Variants in GRID2 observed in about 807,000 individuals in gnomAD.
GRID2 encodes glutamate receptor ionotropic, delta-2.
In GRID2, 33 loss-of-function variants were observed where a neutral mutation model predicts 114.8. That is an observed-to-expected ratio of 0.29 (90% CI 0.22 to 0.38). The LOEUF is 0.38. GRID2 is among the 10% of genes least tolerant of loss of function. The pLI, the probability that GRID2 is intolerant of heterozygous loss-of-function variation, is 1.00. For missense variants in GRID2, 1,184 were observed against 1,257.7 expected, an observed-to-expected ratio of 0.94 and a Z score of 0.89; for synonymous variants, 505 against 449.9, an observed-to-expected ratio of 1.12 and a Z score of -1.55.
chr4:93,136,056 C>A (rs1235396093), intron 4 of GRID2, among the ~76,000 whole-genome samples: 1 of 152,004 alleles, frequency 6.6e-6, no homozygotes, highest in South Asian at 2.1e-4. Context: ...CATAATAACC[C>A]CACAGGATAA....
In GRID2 at chr4:93,422,931, G is replaced by A. The variant is rs757006859; in HGVS notation, c.1508G>A (p.Gly503Glu). The change falls in exon 10 of 16, where the codon GGG (glycine) becomes GAG (glutamate). Residue 503 changes from glycine to glutamate, a missense_variant. Physicochemically the swap from Gly to Glu is moderately conservative, Grantham distance 98. Coordinates refer to ENST00000282020, the MANE Select transcript of GRID2 (RefSeq NM_001510.4). The stretch of plus-strand genomic sequence containing the variant: ...AAATACGGAAGCCCACAAGAAGATG[G>A]GACATGGAATGGCTTGGTAGGAGAA... ...DHKYGSPQED[G>E]TWNGLVGELV... The A allele has an allele frequency of 6.2e-7, 1 of 1,613,496 alleles. No individual in the cohort carries two copies.
intron 1 of GRID2, among the ~76,000 whole-genome samples, chr4:92,541,576 C>T (rs1350849290): frequency 6.6e-6 from 1 of 151,788 alleles, no homozygotes; most frequent in African/African-American, 2.4e-5. Flanking sequence ...TACTATTTAT[C>T]AAAATGAGGA....
rs372993222 is a variant in GRID2 at position 93,244,513 on chromosome 4, C to CTATTATA, written c.1245+6028_1245+6029insTATATTA. ...TCTATTAATTAATAGATTATATAAT[C>CTATTATA]TATTAATTAATAGATTATATAATCT... On this transcript the variant is annotated intron_variant, in intron 8 of 15. Coordinates refer to ENST00000282020, the MANE Select transcript of GRID2 (RefSeq NM_001510.4). 9.7e-3 allele frequency among the ~76,000 whole-genome samples: 281 copies of CTATTATA among 28,880 alleles called. 17 individuals carry two copies. The highest frequency in any genetic ancestry group is 0.053 in the Middle Eastern group (2 of 38). 18.9% of individuals were successfully genotyped at this position (28,880 alleles called of 152,430 possible).
intron 8 of GRID2, among the ~76,000 whole-genome samples, chr4:93,376,321 G>C (rs1396694298): frequency 2.0e-5 from 3 of 151,902 alleles, no homozygotes; most frequent in East Asian, 3.9e-4. Flanking sequence ...CAAAATTATT[G>C]ACAAATATTA....
chr4:92,757,607 A>G (rs1040676841), intron 2 of GRID2, among the ~76,000 whole-genome samples: 12 of 152,092 alleles, frequency 7.9e-5, no homozygotes, highest in Non-Finnish European at 1.3e-4. Context: ...AAGTCATGAG[A>G]ACAGATAAGA....
At chr4:93,222,170 G>C (rs1744953675) in intron 6 of GRID2, among the ~76,000 whole-genome samples, 1 of 152,138 alleles carries the variant, frequency 6.6e-6, no homozygotes, top group Non-Finnish European at 1.5e-5. Context: ...GAAGAGAAAA[G>C]ATGTACAGTA....
At chr4:92,576,517 T>G (rs1028349980) in intron 1 of GRID2, among the ~76,000 whole-genome samples, 4 of 152,070 alleles carry the variant, frequency 2.6e-5, no homozygotes, top group African/African-American at 9.7e-5. Flanking sequence ...GCCCCCTTCC[T>G]AGGGACATCT....
chr4:92,895,397 A>ATATATATATATATG lies in GRID2; in HGVS notation c.245-189590_245-189589insTATATGTATATATA, dbSNP rs1747092507. On this transcript the variant is annotated intron_variant, in intron 2 of 15. Transcript: ENST00000282020. ...TCATGTAGAAAACATATATATATAT[A>ATATATATATATATG]TATATATAAACTGAAAGATGTTTAG... is the stretch of plus-strand genomic sequence containing the variant. Among the ~76,000 whole-genome samples the ATATATATATATATG allele has an allele frequency of 3.4e-5, 5 of 146,096 alleles. No individual in the cohort carries two copies. The South Asian group carries it at 1.1e-3, about 31-fold the overall frequency.
intron 10 of GRID2, among the ~76,000 whole-genome samples, chr4:93,440,839 AG>A (rs1721557673): frequency 6.6e-6 from 1 of 152,140 alleles, no homozygotes; most frequent in Admixed American, 6.6e-5. Flanking sequence ...CAATTCAATC[AG>A]ATAAAGAACT....
intron 11 of GRID2, among the ~76,000 whole-genome samples, chr4:93,485,709 T>A (rs749373652): frequency 2.6e-5 from 4 of 151,756 alleles, no homozygotes; most frequent in Admixed American, 6.6e-5. Context: ...ACAACTTTCA[T>A]TTATTTATTT....
intron 2 of GRID2, among the ~76,000 whole-genome samples, chr4:92,592,348 A>G (rs1728745742): frequency 6.6e-6 from 1 of 152,158 alleles, no homozygotes; most frequent in Non-Finnish European, 1.5e-5. Flanking sequence ...GTAGTAAGAA[A>G]AAAAATGAAA....
At chr4:92,612,727 T>C (rs1729816130) in intron 2 of GRID2, among the ~76,000 whole-genome samples, 1 of 151,486 alleles carries the variant, frequency 6.6e-6, no homozygotes, top group African/African-American at 2.4e-5. Flanking sequence ...TCATTTCTTG[T>C]AGTTATATTG....
intron 2 of GRID2, among the ~76,000 whole-genome samples, chr4:93,083,503 C>A (rs943295487): frequency 1.6e-4 from 24 of 151,842 alleles, no homozygotes; most frequent in African/African-American, 5.3e-4. Context: ...ACCAGCCTGA[C>A]CAACATGGTG....
At chr4:93,782,975 G>A (rs1249336591) in intron 1 of GRID2, among the ~76,000 whole-genome samples, 1 of 151,832 alleles carries the variant, frequency 6.6e-6, no homozygotes, top group African/African-American at 2.4e-5. Flanking sequence ...TACACCTGTT[G>A]CCCTAAATAT....
At chr4:93,314,344 AT>A (rs1206807155) in intron 8 of GRID2, among the ~76,000 whole-genome samples, 13 of 150,836 alleles carry the variant, frequency 8.6e-5, no homozygotes, top group African/African-American at 3.2e-4. Flanking sequence ...AAGAAGAAGA[AT>A]GAAAAAAACA....
chr4:93,053,189 C>T (rs1229476314), intron 2 of GRID2, among the ~76,000 whole-genome samples: 1 of 151,840 alleles, frequency 6.6e-6, no homozygotes, highest in Admixed American at 6.6e-5. Flanking sequence ...AGCAGCATCA[C>T]CTGGAGATTT....
intron 1 of GRID2, among the ~76,000 whole-genome samples, chr4:92,461,412 T>C (rs530624049): frequency 1.0e-3 from 159 of 152,018 alleles, no homozygotes; most frequent in Non-Finnish European, 1.4e-3. Context: ...TAAGAACCTA[T>C]TGACAATGTT....
In GRID2 at chr4:93,421,615, G is replaced by T. The variant is rs574252040; in HGVS notation, c.1348-1156G>T. Among the ~76,000 whole-genome samples, 4 of 152,172 alleles carry T rather than the reference G, an allele frequency of 2.6e-5. No homozygotes were observed. The South Asian group carries it at 8.3e-4, about 32-fold the overall frequency. On this transcript the variant is annotated intron_variant, in intron 9 of 15. Coordinates refer to ENST00000282020, the MANE Select transcript of GRID2 (RefSeq NM_001510.4). ...AAATACCTCAATAATTGGTTACATTGTTTTTTATCATTTTGAAAAAGGCAC... is the reference window on the plus strand; with the variant it reads ...AAATACCTCAATAATTGGTTACATTTTTTTTTATCATTTTGAAAAAGGCAC...
At chr4:93,782,828 T>A (rs1734506269) in intron 1 of GRID2, among the ~76,000 whole-genome samples, 1 of 152,170 alleles carries the variant, frequency 6.6e-6, no homozygotes, top group East Asian at 1.9e-4. Flanking sequence ...TTATTTGAGA[T>A]TATAATTCTT....
Sources: allele counts gnomAD v4.1 joint callset (sites outside exome capture counted in the v4.1 genomes callset), GRCh38; gene constraint gnomAD v4.1.1; transcripts MANE v1.5; gene names NCBI Gene and HGNC (gene_info 2026-07-23, HGNC 2026-07-21).